STARD13: variants seen among roughly 807,000 people sequenced by gnomAD.
STARD13 encodes the protein stAR-related lipid transfer protein 13.
STARD13 carries 62 observed loss-of-function variants against 106.4 expected under a neutral mutation model. The observed-to-expected ratio is 0.58, with a 90% CI of 0.48 to 0.72. STARD13 has a LOEUF of 0.72. Ranked by LOEUF, STARD13 falls within the 30% of genes least tolerant of loss-of-function variation. The pLI is 0.00. For synonymous variants in STARD13, 565 were observed against 553.0 expected, an observed-to-expected ratio of 1.02 and a Z score of -0.31; for missense variants, 1,387 against 1,424.0, an observed-to-expected ratio of 0.97 and a Z score of 0.42.
intron 1 of STARD13, among the ~76,000 whole-genome samples, chr13:33,311,000 A>G (rs1893111246): frequency 6.6e-6 from 1 of 152,092 alleles, no homozygotes. Context: ...CAGTAAAAAT[A>G]CAGTATAAAA....
In STARD13 at chr13:33,117,903, C is replaced by G. The variant is rs949892551; in HGVS notation, c.2281+162G>C. The G allele has an allele frequency of 1.8e-5, 25 of 1,393,400 alleles. No individual in the cohort carries two copies. The Admixed American group carries it at 7.5e-4, about 42-fold the overall frequency. The allele number at this position is 1,393,400 out of a possible 1,614,324, so 86.3% of individuals were successfully genotyped here. A position where few individuals can be genotyped will look rare whatever the true frequency, so the allele number is the denominator to read the frequency against. On this transcript the variant is annotated intron_variant, in intron 8 of 13. Transcript: ENST00000336934. ...AAAAATGGCTTGTGGATTTCCATAT[C>G]AAACTTTGAGCAAAAGTTACTTCCG...
chr13:33,358,802 G>A, the STARD13 span, among the ~76,000 whole-genome samples: 2 of 151,692 alleles, frequency 1.3e-5, no homozygotes, highest in African/African-American at 2.4e-5. Context: ...TACACCAATC[G>A]GCACTCTGTA....
chr13:33,434,116 G>A, the STARD13 span, among the ~76,000 whole-genome samples: 3 of 152,076 alleles, frequency 2.0e-5, no homozygotes, highest in Non-Finnish European at 2.9e-5. Flanking sequence ...TCTTTAGGAC[G>A]CCGAGGCAGG....
the STARD13 span, among the ~76,000 whole-genome samples, chr13:33,655,215 C>T: frequency 9.2e-5 from 14 of 152,320 alleles, no homozygotes; most frequent in African/African-American, 3.1e-4. Flanking sequence ...AGTGGATGGG[C>T]ATAAACAACA....
At chr13:33,122,166 G>C (rs1396147358) in intron 7 of STARD13, among the ~76,000 whole-genome samples, 1 of 152,148 alleles carries the variant, frequency 6.6e-6, no homozygotes, top group Non-Finnish European at 1.5e-5. Context: ...ATTTTTAGCA[G>C]AGATGGTGTT....
chr13:33,518,598 G>A, the STARD13 span, among the ~76,000 whole-genome samples: 1 of 152,080 alleles, frequency 6.6e-6, no homozygotes, highest in Non-Finnish European at 1.5e-5. Context: ...TAACTGTAGA[G>A]AAGGAAATTT....
the STARD13 span, among the ~76,000 whole-genome samples, chr13:33,487,318 T>A: frequency 1.3e-5 from 2 of 152,194 alleles, no homozygotes; most frequent in African/African-American, 4.8e-5. Flanking sequence ...AGGATATGCT[T>A]TTTTCATTTT....
At position 33,118,100 on chromosome 13, in the gene STARD13, T is replaced by C. The variant is rs374241973; in HGVS notation, c.2246A>G (p.Asn749Ser). 63 of 1,614,126 alleles carry C rather than the reference T, an allele frequency of 3.9e-5. No homozygotes were observed. The highest frequency in any genetic ancestry group is 1.6e-4 in the Middle Eastern group (1 of 6,084). ...ATGGAGAAAGGTCTCACTGAGCTTG[T>C]TGGTGAAAAGAGGCTCAGGGAGGTC... Reference protein sequence around the residue: ...FRDLPEPLFTNKLSETFLHIY... With the variant: ...FRDLPEPLFTSKLSETFLHIY... Residue 749 changes from asparagine to serine, a missense_variant, in exon 8 of 14, where the codon AAC becomes AGC. Transcript: ENST00000336934.
chr13:33,200,051 A>G (rs887005394), intron 1 of STARD13, among the ~76,000 whole-genome samples: 2 of 152,248 alleles, frequency 1.3e-5, no homozygotes, highest in Non-Finnish European at 2.9e-5. Flanking sequence ...ATCTGGGCCC[A>G]TGAGCAACAA....
chr13:33,664,873 G>C, the STARD13 span, among the ~76,000 whole-genome samples: 1 of 152,158 alleles, frequency 6.6e-6, no homozygotes, highest in Admixed American at 6.6e-5. Context: ...TGATCCGCCC[G>C]CCTCGGCCTC....
At chr13:33,200,274 C>T (rs1156854259) in intron 1 of STARD13, among the ~76,000 whole-genome samples, 2 of 152,204 alleles carry the variant, frequency 1.3e-5, no homozygotes. Context: ...TCATTCACAT[C>T]TAGCTCCCCT....
chr13:33,271,722 G>A (rs1275231345), intron 1 of STARD13: 9 of 152,030 alleles, frequency 5.9e-5, no homozygotes, highest in Admixed American at 5.2e-4. Flanking sequence ...ATGGGCACAC[G>A]GCTTTGCTGC....
intron 3 of STARD13, among the ~76,000 whole-genome samples, chr13:33,151,629 C>A (rs2138282098): frequency 6.6e-6 from 1 of 152,250 alleles, no homozygotes; most frequent in South Asian, 2.1e-4. Context: ...TAAGCCTGGA[C>A]AAGCAGGCAG....
At chr13:33,219,824 A>G (rs529309917) in intron 1 of STARD13, among the ~76,000 whole-genome samples, 37 of 132,820 alleles carry the variant, frequency 2.8e-4, no homozygotes, top group Admixed American at 1.8e-3. Context: ...AAAAAAAAAA[A>G]AAGAAAGAAA....
chr13:33,428,679 C>G, the STARD13 span, among the ~76,000 whole-genome samples: 2 of 152,056 alleles, frequency 1.3e-5, no homozygotes, highest in African/African-American at 4.8e-5. Flanking sequence ...AGTTAAAAAG[C>G]TTCTGACAGC....
At chr13:33,584,366 G>C in the STARD13 span, among the ~76,000 whole-genome samples, 1 of 152,140 alleles carries the variant, frequency 6.6e-6, no homozygotes, top group Non-Finnish European at 1.5e-5. Context: ...GCCATGGCCA[G>C]AGCAGGAGCA....
intron 3 of STARD13, among the ~76,000 whole-genome samples, chr13:33,146,265 A>G (rs929754678): frequency 2.6e-5 from 4 of 152,210 alleles, no homozygotes; most frequent in East Asian, 1.9e-4. Context: ...CGGAGGTTGC[A>G]GCGAGCCGAG....
intron 1 of STARD13, among the ~76,000 whole-genome samples, chr13:33,226,596 C>T (rs958298531): frequency 1.3e-5 from 2 of 151,830 alleles, no homozygotes; most frequent in Admixed American, 6.6e-5. Context: ...CACCACACCT[C>T]GCTAATTTTT....
chr13:33,359,266 G>GT, the STARD13 span, among the ~76,000 whole-genome samples: 4 of 151,994 alleles, frequency 2.6e-5, no homozygotes, highest in Non-Finnish European at 4.4e-5. Context: ...TGAGCCCAGC[G>GT]AGACCACGAG....
Sources: allele counts gnomAD v4.1 joint callset (sites outside exome capture counted in the v4.1 genomes callset), GRCh38; gene constraint gnomAD v4.1.1; transcripts MANE v1.5; gene names NCBI Gene and HGNC (gene_info 2026-07-23, HGNC 2026-07-21).